The following BTN2A1 variants were observed in gnomAD, a reference collection of about 807,000 sequenced individuals.
BTN2A1 encodes butyrophilin subfamily 2 member A1.
Under a neutral mutation model 34.5 loss-of-function variants are expected in BTN2A1, and 41 were observed. The observed-to-expected ratio is 1.19, with a 90% CI of 0.93 to 1.54. The LOEUF (loss-of-function observed/expected upper bound fraction) is 1.54, where lower values mean the gene tolerates loss of function less well. Ranked by LOEUF, BTN2A1 falls within the 40% of genes most tolerant of loss-of-function variation. The probability of loss-of-function intolerance (pLI) is 0.00; values close to 1 mark genes in which losing one functional copy is unlikely to be tolerated. For missense variants in BTN2A1, 642 were observed against 662.0 expected, an observed-to-expected ratio of 0.97 and a Z score of 0.33; for synonymous variants, 267 against 258.6, an observed-to-expected ratio of 1.03 and a Z score of -0.31.
At chr6:26,463,000 G>C in intron 3 of BTN2A1, 1 of 1,003,322 alleles carries the variant, frequency 1.0e-6, no homozygotes, top group Non-Finnish European at 1.4e-6. Flanking sequence ...CAAAGAAAAG[G>C]GTGCAATGGG....
At chr6:26,472,671 GC>G (rs1763471621), downstream of BTN2A1, among the ~76,000 whole-genome samples, 1 of 152,170 alleles carries the variant, frequency 6.6e-6, no homozygotes, top group Non-Finnish European at 1.5e-5. Flanking sequence ...AAACTGGCAT[GC>G]CCCAGCTCAC....
At chr6:26,459,404 A>G in intron 2 of BTN2A1, 77 bp from the exon 3 acceptor site, 3 of 1,497,554 alleles carry the variant, frequency 2.0e-6, no homozygotes, top group East Asian at 2.3e-5. Flanking sequence ...GTTTGTCCCT[A>G]GAATATCTGC....
At chr6:26,462,684 C>A in intron 3 of BTN2A1, 1 of 594,244 alleles carries the variant, frequency 1.7e-6, no homozygotes, top group Non-Finnish European at 2.7e-6. Flanking sequence ...TGGTAGAAAG[C>A]GGTGGTTATG....
rs754529370 is a variant in BTN2A1, at chr6:26,467,990, T to G, written c.1025T>G (p.Phe342Cys). 5 of 1,614,160 alleles carry G rather than the reference T, an allele frequency of 3.1e-6. No homozygotes were observed. Residue 342 changes from phenylalanine to cysteine, a missense_variant, in exon 8 of 8, where the codon TTC becomes TGC. By Grantham distance (205) the Phe-to-Cys change is radical. Coordinates refer to ENST00000312541, the MANE Select transcript of BTN2A1 (RefSeq NM_007049.5). ...LDPDTAHPDLFLSEDRRSVRR... is the reference protein window; with the variant it reads ...LDPDTAHPDLCLSEDRRSVRR... Reference sequence around the variant, plus strand: ...CCAGACACCGCTCATCCCGATCTCTTCCTGTCAGAGGACCGGAGAAGTGTG... The same window carrying G: ...CCAGACACCGCTCATCCCGATCTCTGCCTGTCAGAGGACCGGAGAAGTGTG...
intron 5 of BTN2A1, 94 bp from the exon 6 acceptor site, chr6:26,465,859 T>C: frequency 5.0e-6 from 8 of 1,589,610 alleles, no homozygotes; most frequent in Non-Finnish European, 6.9e-6. Context: ...GATGTTGCTG[T>C]TCATAGAAAG....
intron 7 of BTN2A1, among the ~76,000 whole-genome samples, chr6:26,467,344 C>G (rs1450191176): frequency 6.6e-6 from 1 of 152,148 alleles, no homozygotes; most frequent in East Asian, 1.9e-4. Context: ...TGATGTCTTG[C>G]TCTGTCACCC....
Position 26,467,981 on chromosome 6 carries a change from C to A in BTN2A1, c.1016C>A (p.Pro339His). 1 of 1,614,074 alleles carries A rather than the reference C, an allele frequency of 6.2e-7. No homozygotes were observed. Among genetic ancestry groups the A allele is most frequent in the Non-Finnish European group, 8.5e-7 (1 of 1,179,938 alleles). ...DVVLDPDTAH[P>H]DLFLSEDRRS... ...GTCCTGGATCCAGACACCGCTCATC[C>A]CGATCTCTTCCTGTCAGAGGACCGG... Residue 339 changes from proline (P) to histidine (H), a missense_variant, in exon 8 of 8, where the codon CCC (proline) becomes CAC (histidine). Pro to His is a moderately conservative substitution (Grantham distance 77). Coordinates refer to ENST00000312541, the MANE Select transcript of BTN2A1 (RefSeq NM_007049.5).
At position 26,459,725 on chromosome 6, in the gene BTN2A1, C is replaced by T. The variant is rs1647436897; in HGVS notation, c.327C>T (p.Ala109=). The stretch of plus-strand genomic sequence containing the variant: ...AAGACATCAGCAGGGGCAGCGTGGC[C>T]CTGGTCATACACAACATCACAGCCC... The part of the protein sequence containing the change: ...VSKDISRGSV[A]LVIHNITAQE... Residue 109 remains alanine, a synonymous_variant, in exon 3 of 8, where the codon GCC becomes GCT. Transcript: ENST00000312541. 3 of 1,614,000 alleles carry T rather than the reference C, an allele frequency of 1.9e-6. No homozygotes were observed. Among genetic ancestry groups the T allele is most frequent in the Admixed American group, 1.7e-5 (1 of 59,998 alleles).
chr6:26,469,309 G>A lies in BTN2A1; in HGVS notation c.*760G>A. 1 of 988,530 alleles carries A rather than the reference G, an allele frequency of 1.0e-6. No homozygotes were observed. The highest frequency in any genetic ancestry group is 1.1e-4 in the East Asian group (1 of 8,902). The allele number at this position is 988,530 out of a possible 1,614,324, so 61.2% of individuals were successfully genotyped here. ...GGAGTAATGGACCAGATCTACCTCA[G>A]TATTCAAGTTCAGTGGGGACACCAG... On this transcript the variant is annotated 3_prime_UTR_variant, in exon 8 of 8. Transcript: ENST00000312541.
chr6:26,464,733 G>A (rs1020819132), intron 4 of BTN2A1, among the ~76,000 whole-genome samples: 4 of 152,224 alleles, frequency 2.6e-5, no homozygotes, highest in Non-Finnish European at 4.4e-5. Flanking sequence ...GGCATTGTAA[G>A]CCACAAACAG....
intron 5 of BTN2A1, 60 bp downstream of exon 5, chr6:26,465,466 G>A: frequency 8.5e-6 from 13 of 1,528,344 alleles, no homozygotes; most frequent in Non-Finnish European, 1.2e-5. Flanking sequence ...GGAGGCTGAG[G>A]CAGGCAGATC....
intron 5 of BTN2A1, 134 bp downstream of exon 5, chr6:26,465,540 AAAAAG>A (rs1355850487): frequency 9.4e-6 from 8 of 849,778 alleles, no homozygotes; most frequent in Admixed American, 5.8e-5. Context: ...AATTAAAAAA[AAAAAG>A]AAAAGAAAAA....
chr6:26,471,656 A>T (rs964729596), downstream of BTN2A1, among the ~76,000 whole-genome samples: 8 of 144,536 alleles, frequency 5.5e-5, no homozygotes, highest in Non-Finnish European at 8.8e-5. Flanking sequence ...GAGAGAAGGA[A>T]GGAAGGAAAG....
rs781698683 is a variant in BTN2A1, at chr6:26,458,684, C to T, written c.48C>T (p.Leu16=). 5.6e-6 allele frequency: 9 copies of T among 1,613,944 alleles called. No individual in the cohort carries two copies. The highest frequency in any genetic ancestry group is 1.7e-5 in the Admixed American group (1 of 60,006). ...ALHFSRPASL[L]LLLLSLCALV... is the part of the protein sequence containing the mutation. Reference sequence around the variant, plus strand: ...ACTTCTCCCGGCCAGCCTCCCTCCTCCTCCTCCTCCTCAGCCTGTGTGCAC... The same window carrying T: ...ACTTCTCCCGGCCAGCCTCCCTCCTTCTCCTCCTCCTCAGCCTGTGTGCAC... The change falls in exon 2 of 8, where the codon CTC becomes CTT. Residue 16 remains leucine, a synonymous_variant. Transcript: ENST00000312541.
At position 26,469,026 on chromosome 6, in the gene BTN2A1, G is replaced by C. The variant is rs1002418205; in HGVS notation, c.*477G>C. On this transcript the variant is annotated 3_prime_UTR_variant, in exon 8 of 8. Transcript: ENST00000312541. ...ATCAGAGATAGAGGAAGTGGAACCA[G>C]AGAGCTGGGAGGGACCAAGGTTGTA... 2.5e-6 allele frequency: 3 copies of C among 1,177,550 alleles called. No individual in the cohort carries two copies. Among genetic ancestry groups the C allele is most frequent in the Non-Finnish European group, 3.2e-6 (3 of 936,776 alleles). 72.9% of individuals were successfully genotyped at this position (1,177,550 alleles called of 1,614,324 possible).
At chr6:26,470,858 C>A (rs1157752076), downstream of BTN2A1, among the ~76,000 whole-genome samples, 3 of 152,140 alleles carry the variant, frequency 2.0e-5, no homozygotes, top group South Asian at 4.1e-4. Flanking sequence ...GCCATGCTGC[C>A]AGAATCTCAG....
intron 1 of BTN2A1, 127 bp from the exon 2 acceptor site, chr6:26,458,480 C>T (rs1047423345): frequency 1.4e-6 from 1 of 737,558 alleles, no homozygotes; most frequent in Non-Finnish European, 2.4e-6. Context: ...CATACCTGAG[C>T]CTTCGGATGC....
downstream of BTN2A1, among the ~76,000 whole-genome samples, chr6:26,471,412 T>C (rs1763446514): frequency 6.6e-6 from 1 of 152,216 alleles, no homozygotes; most frequent in African/African-American, 2.4e-5. Flanking sequence ...GAAAAGTAGA[T>C]CTTTGGTTTT....
chr6:26,462,670 T>C, intron 3 of BTN2A1: 1 of 486,558 alleles, frequency 2.1e-6, no homozygotes, highest in Non-Finnish European at 3.6e-6. Context: ...TCACCTCCTA[T>C]GGGTGGTAGA....
Sources: allele counts gnomAD v4.1 joint callset (sites outside exome capture counted in the v4.1 genomes callset), GRCh38; gene constraint gnomAD v4.1.1; transcripts MANE v1.5; gene names NCBI Gene and HGNC (gene_info 2026-07-23, HGNC 2026-07-21).